CARMIL1: variants seen among roughly 807,000 people sequenced by gnomAD.
CARMIL1 encodes capping protein regulator and myosin 1 linker 1, also known as F-actin-uncapping protein LRRC16A.
Under a neutral mutation model 177.1 loss-of-function variants are expected in CARMIL1, and 90 were observed. That is an observed-to-expected ratio of 0.51 (90% CI 0.43 to 0.61). CARMIL1 has a LOEUF of 0.61. Among genes scored for constraint, CARMIL1 ranks in the 20% least tolerant of loss-of-function variants. CARMIL1 has a pLI of 0.00. For synonymous variants in CARMIL1, 577 were observed against 606.2 expected (o/e 0.95, Z 0.71); for missense variants, 1,380 against 1,667.0 (o/e 0.83, Z 3.00).
At chr6:25,331,729 T>G (rs963886148) in intron 2 of CARMIL1, among the ~76,000 whole-genome samples, 1 of 152,152 alleles carries the variant, frequency 6.6e-6, no homozygotes, top group African/African-American at 2.4e-5. Context: ...TATTCTACAC[T>G]CCCTGAAGCC....
At chr6:25,614,467 A>G (rs1816745418) in intron 36 of CARMIL1, among the ~76,000 whole-genome samples, 1 of 152,162 alleles carries the variant, frequency 6.6e-6, no homozygotes, top group South Asian at 2.1e-4. Flanking sequence ...GGCCAAGAAA[A>G]TCTCTATCTT....
intron 36 of CARMIL1, among the ~76,000 whole-genome samples, chr6:25,616,225 A>G (rs78912080): frequency 0.037 from 5,571 of 152,268 alleles, 154 homozygotes; most frequent in Non-Finnish European, 0.064. Flanking sequence ...GCTGCCTAAG[A>G]GGAGGTCTGT....
intron 35 of CARMIL1, among the ~76,000 whole-genome samples, chr6:25,609,562 T>G (rs1015617195): frequency 2.6e-5 from 4 of 152,364 alleles, no homozygotes; most frequent in Admixed American, 2.0e-4. Context: ...CAAAGTCTTT[T>G]CTGGTTCTAA....
chr6:25,440,183 C>A (rs1416696376), intron 5 of CARMIL1, among the ~76,000 whole-genome samples: 1 of 152,198 alleles, frequency 6.6e-6, no homozygotes, highest in South Asian at 2.1e-4. Flanking sequence ...GTGGCCCTGC[C>A]TTCAAACCAT....
chr6:25,284,751 A>G lies in CARMIL1; in HGVS notation c.41-61A>G, dbSNP rs562601141. 1.4e-4 allele frequency: 133 copies of G among 921,644 alleles called. 1 individual carries two copies. The East Asian group carries it at 3.6e-3, about 25-fold the overall frequency. The allele number at this position is 921,644 out of a possible 1,614,324, so 57.1% of individuals were successfully genotyped here. A position where few individuals can be genotyped will look rare whatever the true frequency, so the allele number is the denominator to read the frequency against. On this transcript the variant is annotated intron_variant, in intron 1 of 36. Transcript: ENST00000329474. ...AAAACAACCAAATATACTCCTCCAA[A>G]TGCTTACTCCTCCTCAGTGCTTTTT... is the stretch of plus-strand genomic sequence containing the variant.
chr6:25,605,547 TGGATGGAGGTGGG>T (rs1815868789), intron 34 of CARMIL1, among the ~76,000 whole-genome samples: 1 of 152,116 alleles, frequency 6.6e-6, no homozygotes, highest in Admixed American at 6.5e-5. Flanking sequence ...GGCAGCAGTA[TGGATGGAGGTGGG>T]GGATGAGATG....
At chr6:25,434,167 T>C (rs1186664000) in intron 4 of CARMIL1, among the ~76,000 whole-genome samples, 2 of 151,804 alleles carry the variant, frequency 1.3e-5, no homozygotes, top group Non-Finnish European at 1.5e-5. Flanking sequence ...CTCCTGAGTT[T>C]ACGGGGTTAT....
intron 36 of CARMIL1, among the ~76,000 whole-genome samples, chr6:25,615,772 T>C (rs1816842256): frequency 1.3e-5 from 2 of 152,246 alleles, no homozygotes; most frequent in South Asian, 4.1e-4. Flanking sequence ...GGCCAACTAC[T>C]GAATACTATT....
At chr6:25,534,224 C>T (rs575304486) in intron 24 of CARMIL1, among the ~76,000 whole-genome samples, 4 of 152,022 alleles carry the variant, frequency 2.6e-5, no homozygotes, top group African/African-American at 7.2e-5. Context: ...GCTGAGCCAC[C>T]GTGAATGTTT....
intron 2 of CARMIL1, among the ~76,000 whole-genome samples, chr6:25,307,072 G>A (rs368005251): frequency 6.6e-5 from 10 of 152,072 alleles, no homozygotes; most frequent in East Asian, 5.8e-4. Context: ...GTAGAGACAG[G>A]TTTTCACCAT....
At chr6:25,312,559 TTTG>T (rs1199050507) in intron 2 of CARMIL1, among the ~76,000 whole-genome samples, 1 of 152,214 alleles carries the variant, frequency 6.6e-6, no homozygotes, top group Non-Finnish European at 1.5e-5. Context: ...TAACTCATTT[TTTG>T]TTGTTTTTGT....
At chr6:25,422,329 A>G (rs969169008) in intron 3 of CARMIL1, among the ~76,000 whole-genome samples, 11 of 152,212 alleles carry the variant, frequency 7.2e-5, no homozygotes, top group African/African-American at 2.7e-4. Flanking sequence ...TTAGGTGCCA[A>G]GTTATGGCGC....
intron 1 of CARMIL1, among the ~76,000 whole-genome samples, chr6:25,283,271 C>G (rs1781278600): frequency 6.6e-6 from 1 of 152,026 alleles, no homozygotes; most frequent in South Asian, 2.1e-4. Context: ...CTGGGAGGGA[C>G]GTGATGAATC....
intron 8 of CARMIL1, among the ~76,000 whole-genome samples, chr6:25,458,539 A>C (rs1271326901): frequency 1.3e-5 from 2 of 151,458 alleles, no homozygotes; most frequent in Admixed American, 1.3e-4. Flanking sequence ...ATGATTGGTT[A>C]ATTGTGATGG....
intron 2 of CARMIL1, among the ~76,000 whole-genome samples, chr6:25,338,400 C>A (rs1786514582): frequency 6.6e-6 from 1 of 152,144 alleles, no homozygotes; most frequent in Non-Finnish European, 1.5e-5. Context: ...GTCTCCAGAA[C>A]TTTTGCCCCT....
intron 2 of CARMIL1, among the ~76,000 whole-genome samples, chr6:25,418,549 T>A (rs1281933791): frequency 2.0e-5 from 3 of 146,630 alleles, no homozygotes; most frequent in African/African-American, 2.5e-5. Context: ...TAGGAGGGTG[T>A]AAAAAAAAAA....
At chr6:25,457,447 A>AGT (rs1233857967) in intron 8 of CARMIL1, among the ~76,000 whole-genome samples, 1 of 152,120 alleles carries the variant, frequency 6.6e-6, no homozygotes, top group Non-Finnish European at 1.5e-5. Flanking sequence ...AGAGTTGGTG[A>AGT]GTGGTTCCGC....
At chr6:25,368,897 A>G (rs1350336186) in intron 2 of CARMIL1, among the ~76,000 whole-genome samples, 5 of 152,218 alleles carry the variant, frequency 3.3e-5, no homozygotes, top group South Asian at 2.1e-4. Context: ...AGTATGTTAT[A>G]TAGAATGATG....
chr6:25,438,540 G>A (rs1237491525), intron 5 of CARMIL1, among the ~76,000 whole-genome samples: 2 of 152,196 alleles, frequency 1.3e-5, no homozygotes, highest in Non-Finnish European at 2.9e-5. Flanking sequence ...AAGAGAAGGC[G>A]CCTGCCCTAT....
Sources: allele counts gnomAD v4.1 joint callset (sites outside exome capture counted in the v4.1 genomes callset), GRCh38; gene constraint gnomAD v4.1.1; transcripts MANE v1.5; gene names NCBI Gene and HGNC (gene_info 2026-07-23, HGNC 2026-07-21).